FRAS1: variants seen among roughly 807,000 people sequenced by gnomAD.
FRAS1 encodes Fraser extracellular matrix complex subunit 1.
In FRAS1, 290 loss-of-function variants were observed where a neutral mutation model predicts 435.2. That is an observed-to-expected ratio of 0.67 (90% CI 0.61 to 0.73). The LOEUF (loss-of-function observed/expected upper bound fraction) is 0.73, where lower values mean the gene tolerates loss of function less well. Ranked by LOEUF, FRAS1 falls within the 30% of genes least tolerant of loss-of-function variation. The pLI, the probability that FRAS1 is intolerant of heterozygous loss-of-function variation, is 0.00. For missense variants in FRAS1, 4,860 were observed against 5,001.5 expected, an observed-to-expected ratio of 0.97 and a Z score of 0.85; for synonymous variants, 1,800 against 1,851.0, an observed-to-expected ratio of 0.97 and a Z score of 0.71.
At chr4:78,366,209 A>T (rs986606003) in intron 22 of FRAS1, among the ~76,000 whole-genome samples, 5 of 152,206 alleles carry the variant, frequency 3.3e-5, no homozygotes, top group Non-Finnish European at 7.3e-5. Flanking sequence ...AAGGGTCACC[A>T]GTTGAGGTAG....
chr4:78,116,851 G>T (rs1297355029), intron 2 of FRAS1, among the ~76,000 whole-genome samples: 1 of 152,140 alleles, frequency 6.6e-6, no homozygotes, highest in African/African-American at 2.4e-5. Flanking sequence ...ATTTTGTTAT[G>T]TGTGAATTTG....
At chr4:78,267,121 G>T in intron 8 of FRAS1, 120 bp from the exon 9 acceptor site, 1 of 1,039,816 alleles carries the variant, frequency 9.6e-7, no homozygotes, top group Non-Finnish European at 1.4e-6. Context: ...TGCCCATCGT[G>T]GGTCGGGCCA....
intron 15 of FRAS1, among the ~76,000 whole-genome samples, chr4:78,314,033 A>G (rs527395254): frequency 6.6e-6 from 1 of 151,746 alleles, no homozygotes; most frequent in Non-Finnish European, 1.5e-5. Context: ...CTCAGTCACC[A>G]TGCTCTTTTT....
chr4:78,103,125 C>G (rs1409535395), intron 2 of FRAS1, among the ~76,000 whole-genome samples: 1 of 152,164 alleles, frequency 6.6e-6, no homozygotes, highest in Admixed American at 6.5e-5. Flanking sequence ...TGAGGAAATC[C>G]TTAGAACCCA....
At chr4:78,113,634 AAATGTCTGTT>A (rs1742898040) in intron 2 of FRAS1, among the ~76,000 whole-genome samples, 1 of 152,150 alleles carries the variant, frequency 6.6e-6, no homozygotes, top group Non-Finnish European at 1.5e-5. Flanking sequence ...TTCTTTTGAG[AAATGTCTGTT>A]CATATCCTTT....
intron 30 of FRAS1, among the ~76,000 whole-genome samples, chr4:78,405,473 A>T (rs916331623): frequency 6.6e-6 from 1 of 152,200 alleles, no homozygotes; most frequent in Non-Finnish European, 1.5e-5. Flanking sequence ...TTGACTCAAC[A>T]TATGATTATA....
Position 78,372,786 on chromosome 4 carries a change from T to A in FRAS1, c.2938T>A (p.Tyr980Asn). The A allele has an allele frequency of 6.2e-7, 1 of 1,613,228 alleles. No homozygotes were observed. The highest frequency in any genetic ancestry group is 8.5e-7 in the Non-Finnish European group (1 of 1,179,696). The change falls in exon 24 of 74, where the codon TAT (tyrosine) becomes AAT (asparagine). Residue 980 changes from tyrosine to asparagine, a missense_variant. Transcript: ENST00000512123. Reference sequence around the variant, plus strand: ...AGACTGCCTGCAGTGCATGGATGGCTATGTTCTCCAGGATGGGGCCTGCGT... The same window carrying A: ...AGACTGCCTGCAGTGCATGGATGGCAATGTTCTCCAGGATGGGGCCTGCGT... ...KTDCLQCMDG[Y>N]VLQDGACVEQ...
At chr4:78,487,025 A>G (rs1240671760) in intron 58 of FRAS1, among the ~76,000 whole-genome samples, 1 of 152,164 alleles carries the variant, frequency 6.6e-6, no homozygotes, top group South Asian at 2.1e-4. Context: ...AGAAAAAACA[A>G]TCTAAAGCTT....
chr4:78,518,830 GCA>G (rs1240240961), intron 66 of FRAS1, among the ~76,000 whole-genome samples: 1 of 152,110 alleles, frequency 6.6e-6, no homozygotes, highest in African/African-American at 2.4e-5. Context: ...GGAGATGAGA[GCA>G]CTCACTAAAA....
intron 2 of FRAS1, among the ~76,000 whole-genome samples, chr4:78,161,483 T>C (rs1262111560): frequency 6.6e-6 from 1 of 151,940 alleles, no homozygotes; most frequent in African/African-American, 2.4e-5. Flanking sequence ...GATGATTGTT[T>C]TGGTGATTAA....
chr4:78,422,591 C>T (rs373198150), intron 34 of FRAS1, among the ~76,000 whole-genome samples: 1,699 of 140,584 alleles, frequency 0.012, 20 homozygotes, highest in Middle Eastern at 0.028. Flanking sequence ...GAGAATGTGT[C>T]CTTGTGTCTG....
rs939494315 is a variant in FRAS1 at position 78,543,920 on chromosome 4, G to T, written c.*2796G>T. The T allele has an allele frequency of 6.9e-5, 10 of 144,238 alleles. No homozygotes were observed. The highest frequency in any genetic ancestry group is 2.3e-4 in the African/African-American group (9 of 38,674). The allele number at this position is 144,238 out of a possible 1,614,324, so 8.9% of individuals were successfully genotyped here. On this transcript the variant is annotated 3_prime_UTR_variant, in exon 74 of 74. Transcript: ENST00000512123. Reference sequence around the variant, plus strand: ...CTTGCTTTTATATGCTGGCTGTGAAGGTTAAAAGAAAGAATGGTCTGTACC... The same window carrying T: ...CTTGCTTTTATATGCTGGCTGTGAATGTTAAAAGAAAGAATGGTCTGTACC...
chr4:78,197,923 AGAGT>A (rs1722884547), intron 2 of FRAS1, among the ~76,000 whole-genome samples: 1 of 132,826 alleles, frequency 7.5e-6, no homozygotes, highest in African/African-American at 2.8e-5. Flanking sequence ...CCTGGGTGAC[AGAGT>A]GAGACTCCCT....
intron 20 of FRAS1, among the ~76,000 whole-genome samples, chr4:78,344,904 AGTTG>A (rs1422158802): frequency 6.6e-6 from 1 of 152,202 alleles, no homozygotes; most frequent in African/African-American, 2.4e-5. Context: ...CATTGTTTTC[AGTTG>A]TAGTCAACAG....
intron 20 of FRAS1, among the ~76,000 whole-genome samples, chr4:78,338,730 C>A (rs1485411711): frequency 6.6e-6 from 1 of 152,138 alleles, no homozygotes; most frequent in Non-Finnish European, 1.5e-5. Flanking sequence ...TTGTCTAGAT[C>A]ACAGTATCCA....
chr4:78,148,464 GT>G (rs1262186030), intron 2 of FRAS1, among the ~76,000 whole-genome samples: 1 of 152,166 alleles, frequency 6.6e-6, no homozygotes, highest in Non-Finnish European at 1.5e-5. Context: ...GCAACTTAGG[GT>G]AGGGAAGATC....
At chr4:78,376,594 G>A (rs558990757) in intron 26 of FRAS1, among the ~76,000 whole-genome samples, 2 of 152,174 alleles carry the variant, frequency 1.3e-5, no homozygotes, top group Admixed American at 1.3e-4. Context: ...TCACACAGTA[G>A]AGATAAATTA....
chr4:78,381,271 C>T (rs1336814437), intron 27 of FRAS1, among the ~76,000 whole-genome samples: 1 of 152,140 alleles, frequency 6.6e-6, no homozygotes, highest in Non-Finnish European at 1.5e-5. Context: ...CTTCAAATTC[C>T]TACTCTATAT....
intron 68 of FRAS1, 144 bp downstream of exon 68, chr4:78,521,774 T>C (rs1243327138): frequency 1.8e-6 from 1 of 552,996 alleles, no homozygotes; most frequent in Non-Finnish European, 3.2e-6. Flanking sequence ...CATCCATCCA[T>C]ACATATCTTT....
Sources: gnomAD v4.1 joint callset for allele counts (sites outside exome capture counted in the v4.1 genomes callset) on GRCh38, gnomAD v4.1.1 for gene constraint, MANE v1.5 for transcripts, NCBI Gene and HGNC (gene_info 2026-07-23, HGNC 2026-07-21) for gene names.